Variants in CNBD1 observed in about 807,000 individuals in gnomAD.
CNBD1 encodes cyclic nucleotide-binding domain-containing protein 1.
Under a neutral mutation model 54.4 loss-of-function variants are expected in CNBD1, and 71 were observed. The observed-to-expected ratio is 1.30, with a 90% CI of 1.08 to 1.59. The LOEUF (loss-of-function observed/expected upper bound fraction) is 1.59, where lower values mean the gene tolerates loss of function less well. Among genes scored for constraint, CNBD1 ranks in the 40% most tolerant of loss-of-function variants. The pLI, the probability that CNBD1 is intolerant of heterozygous loss-of-function variation, is 0.00. For synonymous variants in CNBD1, 182 were observed against 170.7 expected (o/e 1.07, Z -0.51); for missense variants, 659 against 518.0 (o/e 1.27, Z -2.64).
At chr8:87,278,908 A>G (rs2130864923) in intron 6 of CNBD1, among the ~76,000 whole-genome samples, 1 of 151,646 alleles carries the variant, frequency 6.6e-6, no homozygotes, top group Non-Finnish European at 1.5e-5. Context: ...AGAAGTGGAA[A>G]AGGTAATATA....
chr8:87,304,989 G>A (rs1809111134), intron 8 of CNBD1, among the ~76,000 whole-genome samples: 1 of 152,040 alleles, frequency 6.6e-6, no homozygotes, highest in Non-Finnish European at 1.5e-5. Context: ...CTAACAAGAT[G>A]ATTGTTTACC....
At chr8:87,327,738 T>A (rs1055195887) in intron 8 of CNBD1, among the ~76,000 whole-genome samples, 1 of 152,140 alleles carries the variant, frequency 6.6e-6, no homozygotes, top group Non-Finnish European at 1.5e-5. Context: ...GTACCTCAGA[T>A]GGAAATGCAG....
rs185941127 is a variant in CNBD1 at position 87,146,328 on chromosome 8, A to T, written c.432-59665A>T. Among the ~76,000 whole-genome samples the T allele has an allele frequency of 6.5e-4, 99 of 152,288 alleles. No homozygotes were observed. In the East Asian group the frequency reaches 9.8e-3, roughly 15 times the overall value. On this transcript the variant is annotated intron_variant, in intron 4 of 10. Transcript: ENST00000518476. ...TTATCTATACTAGAACTGGTAACCC[A>T]GTTACATATTTGTGTCTACACCTTT...
intron 5 of CNBD1, among the ~76,000 whole-genome samples, chr8:87,211,930 A>C (rs2130801995): frequency 6.6e-6 from 1 of 152,366 alleles, no homozygotes; most frequent in Non-Finnish European, 1.5e-5. Context: ...GATAACTTGA[A>C]GAAGGATAAC....
rs191657934 is a variant in CNBD1, at chr8:86,914,152, A to G, written c.272+8958A>G. 3.6e-3 allele frequency among the ~76,000 whole-genome samples: 546 copies of G among 152,270 alleles called. 3 individuals are homozygous for G. Among genetic ancestry groups the G allele is most frequent in the African/African-American group, 0.011 (467 of 41,560 alleles). On this transcript the variant is annotated intron_variant, in intron 3 of 10. Coordinates refer to ENST00000518476, the MANE Select transcript of CNBD1 (RefSeq NM_173538.3). The stretch of plus-strand genomic sequence containing the variant: ...CTTTACAATTTGTTCAGTTAACGCA[A>G]TCATCACAGGGTCCTGAGGCGACAT...
intron 4 of CNBD1, among the ~76,000 whole-genome samples, chr8:87,073,355 T>G (rs1810797773): frequency 6.6e-6 from 1 of 152,094 alleles, no homozygotes; most frequent in Non-Finnish European, 1.5e-5. Flanking sequence ...CGGAGAGGTA[T>G]TGTAGTCATC....
intron 7 of CNBD1, 67 bp downstream of exon 7, chr8:87,284,882 T>A: frequency 3.4e-6 from 4 of 1,160,626 alleles, no homozygotes; most frequent in Non-Finnish European, 4.8e-6. Flanking sequence ...ATTTTGATTC[T>A]CTAGACAAAG....
At chr8:87,298,535 A>C (rs368863727) in intron 8 of CNBD1, among the ~76,000 whole-genome samples, 11 of 140,220 alleles carry the variant, frequency 7.8e-5, no homozygotes, top group South Asian at 2.3e-4. Context: ...CCCAGGCTGG[A>C]GTACAGTGGA....
intron 7 of CNBD1, among the ~76,000 whole-genome samples, chr8:87,285,315 C>A (rs1808671868): frequency 6.6e-6 from 1 of 152,112 alleles, no homozygotes; most frequent in South Asian, 2.1e-4. Context: ...ATTCTGATTC[C>A]CTAATTCTGC....
intron 2 of CNBD1, among the ~76,000 whole-genome samples, chr8:87,414,555 A>T (rs982746225): frequency 2.0e-5 from 3 of 152,050 alleles, no homozygotes; most frequent in Non-Finnish European, 4.4e-5. Flanking sequence ...TATGTACTGG[A>T]TATATGTGGG....
At chr8:87,000,097 T>C (rs532920176) in intron 4 of CNBD1, among the ~76,000 whole-genome samples, 2 of 152,214 alleles carry the variant, frequency 1.3e-5, no homozygotes, top group Non-Finnish European at 2.9e-5. Flanking sequence ...GGTTCGGCTC[T>C]GTGTCCCCAT....
chr8:86,960,534 C>T (rs1807902615), intron 4 of CNBD1, among the ~76,000 whole-genome samples: 1 of 152,180 alleles, frequency 6.6e-6, no homozygotes, highest in South Asian at 2.1e-4. Flanking sequence ...GCCTGCCTAC[C>T]TCTGTAGACT....
intron 8 of CNBD1, among the ~76,000 whole-genome samples, chr8:87,302,397 A>G (rs1026052968): frequency 1.3e-5 from 2 of 152,102 alleles, no homozygotes; most frequent in African/African-American, 4.8e-5. Flanking sequence ...CCACATGATT[A>G]TCTCAATAGA....
chr8:86,987,667 G>A (rs1310708757), intron 4 of CNBD1, among the ~76,000 whole-genome samples: 1 of 152,156 alleles, frequency 6.6e-6, no homozygotes, highest in African/African-American at 2.4e-5. Context: ...TTATTTTGAA[G>A]TGTGTGCCTT....
chr8:87,370,089 G>A (rs1810742734), intron 10 of CNBD1, among the ~76,000 whole-genome samples: 1 of 151,786 alleles, frequency 6.6e-6, no homozygotes, highest in Non-Finnish European at 1.5e-5. Flanking sequence ...AGTATTCCAT[G>A]GTGTATATGT....
At chr8:87,254,292 G>A (rs548083677) in intron 6 of CNBD1, among the ~76,000 whole-genome samples, 1 of 152,256 alleles carries the variant, frequency 6.6e-6, no homozygotes, top group Admixed American at 6.5e-5. Flanking sequence ...ATTCCAGAGA[G>A]ATAGTTGGAA....
intron 10 of CNBD1, among the ~76,000 whole-genome samples, chr8:87,379,396 A>G (rs1454110929): frequency 1.3e-5 from 2 of 151,954 alleles, no homozygotes; most frequent in South Asian, 4.1e-4. Flanking sequence ...AGACATCTAC[A>G]GAACTCTCCA....
chr8:86,970,310 G>A (rs975547250), intron 4 of CNBD1, among the ~76,000 whole-genome samples: 5 of 151,978 alleles, frequency 3.3e-5, no homozygotes, highest in African/African-American at 1.2e-4. Flanking sequence ...TTCTAATTAT[G>A]TCCTATGTGT....
At chr8:87,071,095 ACT>A (rs1165734235) in intron 4 of CNBD1, among the ~76,000 whole-genome samples, 1 of 151,886 alleles carries the variant, frequency 6.6e-6, no homozygotes, top group African/African-American at 2.4e-5. Flanking sequence ...CTGTGGAATG[ACT>A]CTTTTCTGTG....
Sources: allele counts gnomAD v4.1 joint callset (sites outside exome capture counted in the v4.1 genomes callset), GRCh38; gene constraint gnomAD v4.1.1; transcripts MANE v1.5; gene names NCBI Gene and HGNC (gene_info 2026-07-23, HGNC 2026-07-21).